VPS50: variants seen among roughly 807,000 people sequenced by gnomAD.
The protein encoded by VPS50 is syndetin.
Under a neutral mutation model 139.7 loss-of-function variants are expected in VPS50, and 70 were observed. That is an observed-to-expected ratio of 0.50 (90% confidence interval 0.41 to 0.61). The LOEUF (loss-of-function observed/expected upper bound fraction) is 0.61, where lower values mean the gene tolerates loss of function less well. VPS50 is among the 20% of genes least tolerant of loss of function. The probability of loss-of-function intolerance (pLI) is 0.00; values close to 1 mark genes in which losing one functional copy is unlikely to be tolerated. For missense variants in VPS50, 921 were observed against 1,133.7 expected (o/e 0.81, Z 2.69); for synonymous variants, 365 against 376.7 (o/e 0.97, Z 0.36).
intron 4 of VPS50, among the ~76,000 whole-genome samples, chr7:93,256,131 C>T (rs1795476346): frequency 6.6e-6 from 1 of 152,104 alleles, no homozygotes; most frequent in Admixed American, 6.6e-5. Context: ...CAGATATTGT[C>T]GCCATAAATT....
intron 19 of VPS50, 112 bp downstream of exon 19, chr7:93,309,054 T>C (rs1317176901): frequency 2.1e-6 from 1 of 480,626 alleles, no homozygotes; most frequent in African/African-American, 2.0e-5. Flanking sequence ...GTACTTATAA[T>C]GTCACCTGAC....
intron 1 of VPS50, among the ~76,000 whole-genome samples, chr7:93,235,250 A>G (rs781091588): frequency 7.2e-5 from 11 of 152,104 alleles, no homozygotes; most frequent in Admixed American, 1.3e-4. Context: ...TGAGGAGAAG[A>G]GTAGTGGGAG....
chr7:93,342,527 G>C (rs1562896467), intron 23 of VPS50, among the ~76,000 whole-genome samples: 1 of 152,306 alleles, frequency 6.6e-6, no homozygotes, highest in East Asian at 1.9e-4. Flanking sequence ...TGGGGGCAGG[G>C]CACAGACAAA....
At chr7:93,286,601 C>T (rs559837450) in intron 12 of VPS50, among the ~76,000 whole-genome samples, 5 of 152,196 alleles carry the variant, frequency 3.3e-5, no homozygotes, top group South Asian at 2.1e-4. Flanking sequence ...TTCCATTATG[C>T]TCTGCAGATG....
chr7:93,277,695 G>A (rs995639333), intron 12 of VPS50, among the ~76,000 whole-genome samples: 1 of 152,020 alleles, frequency 6.6e-6, no homozygotes, highest in African/African-American at 2.4e-5. Context: ...GAAACCATGA[G>A]GACTGTTTTA....
rs529806077 is a variant in VPS50, at chr7:93,331,208, A to C, written c.1978-2909A>C. On this transcript the variant is annotated intron_variant, in intron 21 of 27. Coordinates refer to ENST00000305866, the MANE Select transcript of VPS50 (RefSeq NM_017667.4). ...TTCCCCAAATCTATAGGTTCAGTAC[A>C]ATCCCAATCAAAACTGTAACAAGGT... Among the ~76,000 whole-genome samples the C allele has an allele frequency of 5.9e-5, 9 of 152,028 alleles. No individual in the cohort carries two copies. The East Asian group carries it at 1.7e-3, about 29-fold the overall frequency.
At chr7:93,270,842 A>G (rs929724305) in intron 9 of VPS50, among the ~76,000 whole-genome samples, 1 of 151,992 alleles carries the variant, frequency 6.6e-6, no homozygotes, top group Non-Finnish European at 1.5e-5. Flanking sequence ...CTTGGGACAG[A>G]TAGAATAAAA....
At chr7:93,279,437 A>G (rs1034588491) in intron 12 of VPS50, among the ~76,000 whole-genome samples, 2 of 152,226 alleles carry the variant, frequency 1.3e-5, no homozygotes, top group Admixed American at 6.5e-5. Context: ...AAATCTAAGT[A>G]CATTTTCCTG....
intron 20 of VPS50, among the ~76,000 whole-genome samples, chr7:93,321,328 T>C (rs1312567296): frequency 6.6e-6 from 1 of 152,198 alleles, no homozygotes; most frequent in African/African-American, 2.4e-5. Context: ...AATTAATTCA[T>C]TGTAATGTTC....
intron 9 of VPS50, 134 bp downstream of exon 9, chr7:93,259,766 G>A (rs1158810535): frequency 4.3e-6 from 2 of 470,424 alleles, no homozygotes; most frequent in East Asian, 6.6e-5. Context: ...TTTATATATG[G>A]GCAGTACAAT....
At chr7:93,327,608 CAGTA>C (rs1363511478) in intron 21 of VPS50, among the ~76,000 whole-genome samples, 8 of 152,128 alleles carry the variant, frequency 5.3e-5, no homozygotes, top group Non-Finnish European at 7.4e-5. Context: ...CTGTAAGACT[CAGTA>C]AGAGCTATTT....
rs928839304 is a variant in VPS50 at position 93,268,709 on chromosome 7, T to G, written c.660-2511T>G. On this transcript the variant is annotated intron_variant, in intron 9 of 27. Coordinates refer to ENST00000305866, the MANE Select transcript of VPS50 (RefSeq NM_017667.4). ...CCAATGGTGTATATGTACCACATTT[T>G]ATTTATCCAGTCTGTCATTGATGGG... 1.6e-4 allele frequency among the ~76,000 whole-genome samples: 24 copies of G among 152,352 alleles called. No homozygotes were observed. The East Asian group carries it at 3.9e-3, about 24-fold the overall frequency.
intron 23 of VPS50, among the ~76,000 whole-genome samples, chr7:93,346,286 CAAGGAG>C (rs767181149): frequency 5.6e-4 from 85 of 152,230 alleles, no homozygotes; most frequent in Admixed American, 1.0e-3. Flanking sequence ...AGGACCTCTT[CAAGGAG>C]AACTACAGAC....
rs1225150117 is a variant in VPS50, at chr7:93,232,532, T to A, written c.33+32T>A. 9 of 1,599,652 alleles carry A rather than the reference T, an allele frequency of 5.6e-6. No individual in the cohort carries two copies. In the Admixed American group the frequency reaches 1.5e-4, roughly 27 times the overall value. On this transcript the variant is annotated intron_variant, in intron 1 of 27. Coordinates refer to ENST00000305866, the MANE Select transcript of VPS50 (RefSeq NM_017667.4). ...CGCGGCGGCTGAAGCAAAGGCTTCCTTCATCTCGGAAGTGAGAGGAGCCGA... is the reference window on the plus strand; with the variant it reads ...CGCGGCGGCTGAAGCAAAGGCTTCCATCATCTCGGAAGTGAGAGGAGCCGA...
chr7:93,312,835 C>G (rs1797310659), intron 20 of VPS50, among the ~76,000 whole-genome samples: 1 of 152,070 alleles, frequency 6.6e-6, no homozygotes, highest in African/African-American at 2.4e-5. Flanking sequence ...TTTATCTTGT[C>G]CTCACTGATA....
At chr7:93,345,721 G>A (rs965739963) in intron 23 of VPS50, among the ~76,000 whole-genome samples, 11 of 152,158 alleles carry the variant, frequency 7.2e-5, no homozygotes, top group Middle Eastern at 3.4e-3. Context: ...AAGCAAAGAC[G>A]AAAACCACAT....
At chr7:93,285,496 A>G (rs1030198034) in intron 12 of VPS50, among the ~76,000 whole-genome samples, 31 of 152,232 alleles carry the variant, frequency 2.0e-4, no homozygotes, top group African/African-American at 6.8e-4. Context: ...TTTACTTTGC[A>G]TTTAAATAAC....
chr7:93,333,411 A>G (rs1376291865), intron 21 of VPS50, among the ~76,000 whole-genome samples: 2 of 152,164 alleles, frequency 1.3e-5, no homozygotes, highest in African/African-American at 4.8e-5. Flanking sequence ...TAATGTTTTA[A>G]ATTTATTGGC....
intron 5 of VPS50, among the ~76,000 whole-genome samples, 155 bp from the exon 6 acceptor site, chr7:93,257,239 T>A (rs1258479649): frequency 6.6e-6 from 1 of 152,074 alleles, no homozygotes; most frequent in African/African-American, 2.4e-5. Flanking sequence ...GTGAAAAATA[T>A]ACTAATAGTT....
Sources: gnomAD v4.1 joint callset for allele counts (sites outside exome capture counted in the v4.1 genomes callset) on GRCh38, gnomAD v4.1.1 for gene constraint, MANE v1.5 for transcripts, NCBI Gene and HGNC (gene_info 2026-07-23, HGNC 2026-07-21) for gene names.